Variants in SNTG1 observed in about 807,000 individuals in gnomAD.
SNTG1 encodes gamma-1-syntrophin.
SNTG1 carries 39 observed loss-of-function variants against 74.7 expected under a neutral mutation model. The ratio of observed to expected loss-of-function variants is 0.52; its 90% CI spans 0.40 to 0.68. The LOEUF (loss-of-function observed/expected upper bound fraction) is 0.68, where lower values mean the gene tolerates loss of function less well. Ranked by LOEUF, SNTG1 falls within the 30% of genes least tolerant of loss-of-function variation. The probability of loss-of-function intolerance (pLI) is 0.00; values close to 1 mark genes in which losing one functional copy is unlikely to be tolerated. For synonymous variants in SNTG1, 254 were observed against 217.1 expected, an observed-to-expected ratio of 1.17 and a Z score of -1.49; for missense variants, 685 against 609.5, an observed-to-expected ratio of 1.12 and a Z score of -1.30.
intron 1 of SNTG1, among the ~76,000 whole-genome samples, chr8:49,942,111 C>T (rs1808746118): frequency 6.6e-6 from 1 of 152,104 alleles, no homozygotes; most frequent in Admixed American, 6.6e-5. Context: ...TCAATCTGAA[C>T]ATTAGTAGAG....
chr8:50,050,055 T>C (rs1449606694), intron 1 of SNTG1, among the ~76,000 whole-genome samples: 1 of 149,862 alleles, frequency 6.7e-6, no homozygotes, highest in Non-Finnish European at 1.5e-5. Context: ...ACGAGAAAAA[T>C]AAGAGTAAAG....
intron 18 of SNTG1, among the ~76,000 whole-genome samples, chr8:50,782,306 A>G (rs1427393932): frequency 2.6e-5 from 4 of 152,214 alleles, no homozygotes; most frequent in Non-Finnish European, 5.9e-5. Context: ...GTGTTTTCCA[A>G]CTTGGTTCCA....
intron 1 of SNTG1, among the ~76,000 whole-genome samples, chr8:49,989,605 G>T (rs1813491021): frequency 6.6e-6 from 1 of 151,786 alleles, no homozygotes; most frequent in Non-Finnish European, 1.5e-5. Flanking sequence ...TACATTATGA[G>T]GCGAGTGTTA....
chr8:50,773,110 C>T (rs1159877473), intron 18 of SNTG1, among the ~76,000 whole-genome samples: 1 of 152,100 alleles, frequency 6.6e-6, no homozygotes, highest in South Asian at 2.1e-4. Context: ...AAGACACAGG[C>T]CTTGTCATTA....
intron 2 of SNTG1, among the ~76,000 whole-genome samples, chr8:50,181,792 C>A (rs1234925029): frequency 1.3e-5 from 2 of 151,992 alleles, no homozygotes; most frequent in South Asian, 2.1e-4. Context: ...GTGATATTAT[C>A]TTTTATTCTT....
At chr8:50,635,396 C>G (rs1340780126) in intron 13 of SNTG1, among the ~76,000 whole-genome samples, 1 of 152,144 alleles carries the variant, frequency 6.6e-6, no homozygotes, top group Non-Finnish European at 1.5e-5. Context: ...TTTTCAGGCC[C>G]TAGGCTGGTT....
At chr8:50,149,138 C>T (rs2081974670) in intron 1 of SNTG1, among the ~76,000 whole-genome samples, 1 of 152,258 alleles carries the variant, frequency 6.6e-6, no homozygotes, top group South Asian at 2.1e-4. Context: ...TTCTCTGATG[C>T]CAGTGATGAT....
chr8:50,107,057 C>T (rs984852927), intron 1 of SNTG1, among the ~76,000 whole-genome samples: 1 of 152,110 alleles, frequency 6.6e-6, no homozygotes, highest in Non-Finnish European at 1.5e-5. Flanking sequence ...CCCAGCAAGA[C>T]AATTAAGAGA....
chr8:50,536,629 T>G, intron 10 of SNTG1, 49 bp from the exon 11 acceptor site: 1 of 1,596,648 alleles, frequency 6.3e-7, no homozygotes, highest in Non-Finnish European at 8.5e-7. Flanking sequence ...ATACAGAAAC[T>G]CAAAGCACAG....
chr8:50,095,000 C>A (rs2079873625), intron 1 of SNTG1, among the ~76,000 whole-genome samples: 1 of 152,146 alleles, frequency 6.6e-6, no homozygotes, highest in Non-Finnish European at 1.5e-5. Context: ...AAATCTTGTC[C>A]TTTGCAACAT....
At chr8:50,050,776 C>A (rs186600197) in intron 1 of SNTG1, among the ~76,000 whole-genome samples, 65 of 152,068 alleles carry the variant, frequency 4.3e-4, no homozygotes, top group African/African-American at 1.4e-3. Flanking sequence ...AATGTAAACA[C>A]ACAAATCTTC....
intron 2 of SNTG1, among the ~76,000 whole-genome samples, chr8:50,317,883 C>T (rs552479617): frequency 6.6e-6 from 1 of 152,122 alleles, no homozygotes; most frequent in African/African-American, 2.4e-5. Flanking sequence ...GTCGCCCAGG[C>T]TTGAGTGCAG....
chr8:50,318,548 T>C (rs2090401043), intron 2 of SNTG1, among the ~76,000 whole-genome samples: 1 of 152,190 alleles, frequency 6.6e-6, no homozygotes, highest in Non-Finnish European at 1.5e-5. Flanking sequence ...CAAATGGCGC[T>C]GTGTGACTCC....
chr8:50,743,317 A>G (rs1012231592), intron 17 of SNTG1, among the ~76,000 whole-genome samples: 11 of 151,992 alleles, frequency 7.2e-5, no homozygotes, highest in Admixed American at 6.6e-4. Flanking sequence ...GCCAAGTAGT[A>G]TTTATTAATG....
At chr8:50,188,023 T>C (rs1281423193) in intron 2 of SNTG1, among the ~76,000 whole-genome samples, 1 of 152,138 alleles carries the variant, frequency 6.6e-6, no homozygotes, top group Non-Finnish European at 1.5e-5. Flanking sequence ...AGCCAATACT[T>C]GGATATGATA....
intron 2 of SNTG1, among the ~76,000 whole-genome samples, chr8:50,230,304 C>A (rs1402429292): frequency 1.3e-5 from 1 of 75,922 alleles, no homozygotes; most frequent in Non-Finnish European, 3.1e-5. Flanking sequence ...ACTGACAAAT[C>A]TCTAAAAAGA....
At chr8:50,588,971 A>C (rs1288588180) in intron 12 of SNTG1, among the ~76,000 whole-genome samples, 4 of 152,050 alleles carry the variant, frequency 2.6e-5, no homozygotes, top group African/African-American at 9.7e-5. Context: ...AGTTGTTGGC[A>C]TATCACACTG....
intron 2 of SNTG1, among the ~76,000 whole-genome samples, chr8:50,354,075 T>C (rs1044210045): frequency 6.6e-6 from 1 of 152,196 alleles, no homozygotes; most frequent in Admixed American, 6.5e-5. Context: ...AGCAGGACTT[T>C]CCATTTCAGA....
At chr8:50,433,113 G>A (rs555351634) in intron 4 of SNTG1, among the ~76,000 whole-genome samples, 1 of 152,210 alleles carries the variant, frequency 6.6e-6, no homozygotes, top group South Asian at 2.1e-4. Flanking sequence ...CTTTTAGTAT[G>A]TGTTATTTTA....
Sources: gnomAD v4.1 joint callset for allele counts (sites outside exome capture counted in the v4.1 genomes callset) on GRCh38, gnomAD v4.1.1 for gene constraint, MANE v1.5 for transcripts, NCBI Gene and HGNC (gene_info 2026-07-23, HGNC 2026-07-21) for gene names.